CNTNAP2: variants seen among roughly 807,000 people sequenced by gnomAD.
CNTNAP2 encodes contactin associated protein 2, also known as contactin-associated protein-like 2.
Under a neutral mutation model 155.2 loss-of-function variants are expected in CNTNAP2, and 98 were observed. The ratio of observed to expected loss-of-function variants is 0.63; its 90% CI spans 0.54 to 0.75. The LOEUF (loss-of-function observed/expected upper bound fraction) is 0.75. Among genes scored for constraint, CNTNAP2 ranks in the 30% least tolerant of loss-of-function variants. The pLI is 0.00. For synonymous variants in CNTNAP2, 651 were observed against 631.2 expected (o/e 1.03, Z -0.47); for missense variants, 1,727 against 1,688.1 (o/e 1.02, Z -0.40).
At chr7:148,392,169 G>A (rs956114998) in intron 22 of CNTNAP2, among the ~76,000 whole-genome samples, 19 of 142,374 alleles carry the variant, frequency 1.3e-4, no homozygotes, top group Non-Finnish European at 1.9e-4. Context: ...CACCTCCGGG[G>A]TACAAGCAAT....
At chr7:148,230,316 C>T (rs1563003974) in intron 20 of CNTNAP2, among the ~76,000 whole-genome samples, 2 of 152,166 alleles carry the variant, frequency 1.3e-5, no homozygotes, top group African/African-American at 4.8e-5. Flanking sequence ...TATTATGACA[C>T]TCAAATTTTA....
intron 20 of CNTNAP2, among the ~76,000 whole-genome samples, chr7:148,252,161 A>C (rs1796374338): frequency 1.3e-5 from 2 of 152,130 alleles, no homozygotes; most frequent in African/African-American, 4.8e-5. Context: ...GCCCAGAATC[A>C]CCCTACTCTT....
intron 13 of CNTNAP2, among the ~76,000 whole-genome samples, chr7:147,835,146 G>A (rs992942731): frequency 6.6e-6 from 1 of 152,086 alleles, no homozygotes; most frequent in Non-Finnish European, 1.5e-5. Context: ...AGGACTTGGA[G>A]TAGGAATCCA....
intron 1 of CNTNAP2, among the ~76,000 whole-genome samples, chr7:146,224,818 C>G (rs967931535): frequency 6.6e-6 from 1 of 152,074 alleles, no homozygotes; most frequent in African/African-American, 2.4e-5. Flanking sequence ...TTGGATAATT[C>G]ATGTGTCTTT....
At chr7:148,389,876 TA>T (rs1224051069) in intron 22 of CNTNAP2, 1 of 151,952 alleles carries the variant, frequency 6.6e-6, no homozygotes, top group Non-Finnish European at 1.5e-5. Context: ...GGTTATTTTT[TA>T]AAAAGAAAAA....
Position 147,992,560 on chromosome 7 carries a change from G to T in CNTNAP2, c.2383+14571G>T, listed in dbSNP as rs528137924. Among the ~76,000 whole-genome samples, 188 of 152,266 alleles carry T rather than the reference G, an allele frequency of 1.2e-3. 1 individual carries two copies. The highest frequency in any genetic ancestry group is 1.7e-3 in the Non-Finnish European group (115 of 68,016). On this transcript the variant is annotated intron_variant, in intron 15 of 23. Transcript: ENST00000361727. ...TAGTCCCAAGTTAAGAAGAAAAGGG[G>T]ACTCCTGTGTCCCATCCATAGTTTC...
chr7:146,151,691 T>TATACATATAC (rs1798052472), intron 1 of CNTNAP2, among the ~76,000 whole-genome samples: 1 of 39,304 alleles, frequency 2.5e-5, no homozygotes, highest in East Asian at 5.4e-4. Flanking sequence ...TGTATATATA[T>TATACATATAC]ATATATGTAT....
intron 13 of CNTNAP2, among the ~76,000 whole-genome samples, chr7:147,891,008 A>G (rs1167068188): frequency 6.6e-6 from 1 of 152,236 alleles, no homozygotes; most frequent in African/African-American, 2.4e-5. Flanking sequence ...CACAGTGCAT[A>G]CATATTTCAA....
chr7:147,931,739 A>G (rs1800508038), intron 14 of CNTNAP2, among the ~76,000 whole-genome samples: 1 of 152,226 alleles, frequency 6.6e-6, no homozygotes, highest in African/African-American at 2.4e-5. Flanking sequence ...AAAATTAAAG[A>G]TGAAAATAAG....
chr7:146,925,831 G>A (rs1327882028), intron 3 of CNTNAP2, among the ~76,000 whole-genome samples: 1 of 151,896 alleles, frequency 6.6e-6, no homozygotes, highest in African/African-American at 2.4e-5. Context: ...TCAAAATCAG[G>A]GCACATACAA....
At chr7:148,159,447 C>T (rs1805474064) in intron 17 of CNTNAP2, among the ~76,000 whole-genome samples, 1 of 152,046 alleles carries the variant, frequency 6.6e-6, no homozygotes, top group South Asian at 2.1e-4. Flanking sequence ...TACTCTCTTC[C>T]CTCTGCCTTA....
intron 13 of CNTNAP2, among the ~76,000 whole-genome samples, chr7:147,765,794 T>A (rs974983554): frequency 6.6e-6 from 1 of 152,196 alleles, no homozygotes; most frequent in Non-Finnish European, 1.5e-5. Context: ...AAATATCTCC[T>A]AATTATAACT....
chr7:147,835,539 C>T (rs1397009311), intron 13 of CNTNAP2, among the ~76,000 whole-genome samples: 1 of 151,994 alleles, frequency 6.6e-6, no homozygotes, highest in Non-Finnish European at 1.5e-5. Flanking sequence ...GGTTAATACC[C>T]TAAGAAATAA....
intron 1 of CNTNAP2, among the ~76,000 whole-genome samples, chr7:146,477,282 ACAAAAT>A (rs1340805666): frequency 6.6e-6 from 1 of 152,188 alleles, no homozygotes; most frequent in African/African-American, 2.4e-5. Context: ...TATTTTAAAA[ACAAAAT>A]CAGGTCATAC....
intron 1 of CNTNAP2, among the ~76,000 whole-genome samples, chr7:146,213,808 A>C (rs1023017589): frequency 1.3e-5 from 2 of 152,228 alleles, no homozygotes; most frequent in East Asian, 3.8e-4. Flanking sequence ...ATGTCTGAAT[A>C]AACTAAATTT....
intron 1 of CNTNAP2, among the ~76,000 whole-genome samples, chr7:146,635,202 A>T (rs903358004): frequency 6.6e-6 from 1 of 152,214 alleles, no homozygotes; most frequent in Non-Finnish European, 1.5e-5. Flanking sequence ...GATGTGCTAT[A>T]CTAGTAGTGT....
At chr7:147,336,862 C>T (rs1294979692) in intron 9 of CNTNAP2, among the ~76,000 whole-genome samples, 7 of 152,014 alleles carry the variant, frequency 4.6e-5, no homozygotes, top group African/African-American at 7.2e-5. Flanking sequence ...ATTTCACTGG[C>T]ATTTTATGAT....
At chr7:147,808,754 A>G (rs1798132895) in intron 13 of CNTNAP2, among the ~76,000 whole-genome samples, 1 of 152,196 alleles carries the variant, frequency 6.6e-6, no homozygotes, top group South Asian at 2.1e-4. Flanking sequence ...TCTGACTTCT[A>G]TAAAGTCCTT....
At chr7:148,374,832 G>A (rs2116646430) in intron 21 of CNTNAP2, among the ~76,000 whole-genome samples, 1 of 152,310 alleles carries the variant, frequency 6.6e-6, no homozygotes, top group East Asian at 1.9e-4. Context: ...AGGACATATA[G>A]CTTCAATTTA....
Sources: allele counts gnomAD v4.1 joint callset (sites outside exome capture counted in the v4.1 genomes callset), GRCh38; gene constraint gnomAD v4.1.1; transcripts MANE v1.5; gene names NCBI Gene and HGNC (gene_info 2026-07-23, HGNC 2026-07-21).